The following OPRM1 variants were observed in gnomAD, a reference collection of about 807,000 sequenced individuals.
OPRM1 encodes mu-type opioid receptor.
OPRM1 carries 27 observed loss-of-function variants against 31.8 expected under a neutral mutation model. That is an observed-to-expected ratio of 0.85 (90% confidence interval 0.63 to 1.17). The LOEUF (loss-of-function observed/expected upper bound fraction) is 1.17, where lower values mean the gene tolerates loss of function less well. Among genes scored for constraint, OPRM1 ranks in the 50% most tolerant of loss-of-function variants. The pLI is 0.00. For synonymous variants in OPRM1, 196 were observed against 189.9 expected (o/e 1.03, Z -0.26); for missense variants, 536 against 511.1 (o/e 1.05, Z -0.47).
chr6:154,025,174 A>C (rs1206691302), intron 1 of OPRM1, among the ~76,000 whole-genome samples: 1 of 151,986 alleles, frequency 6.6e-6, no homozygotes, highest in African/African-American at 2.4e-5. Flanking sequence ...AGCTCTCATA[A>C]TACTTGCTTT....
intron 3 of OPRM1, among the ~76,000 whole-genome samples, chr6:154,151,241 G>A (rs1156983277): frequency 4.6e-5 from 7 of 152,212 alleles, no homozygotes; most frequent in Non-Finnish European, 1.0e-4. Context: ...TCTTGGGACC[G>A]TGATTTATTG....
chr6:154,207,948 C>A (rs1777635712), intron 3 of OPRM1, among the ~76,000 whole-genome samples: 1 of 152,158 alleles, frequency 6.6e-6, no homozygotes. Context: ...CTAACCATTC[C>A]ATTTCTCTGC....
intron 3 of OPRM1, chr6:154,246,541 C>T (rs776960012): frequency 2.2e-5 from 35 of 1,558,338 alleles, no homozygotes; most frequent in African/African-American, 2.7e-5. Flanking sequence ...ATGCCTTTAA[C>T]GTATCCCTCA....
At chr6:154,044,409 A>G (rs1271645771) in intron 1 of OPRM1, among the ~76,000 whole-genome samples, 2 of 152,202 alleles carry the variant, frequency 1.3e-5, no homozygotes, top group African/African-American at 4.8e-5. Flanking sequence ...AAGTTGTTAT[A>G]GTTCCAGTAG....
exon 1 of OPRM1, chr6:154,010,762 CAA>C (rs1562365714): frequency 9.2e-6 from 13 of 1,418,456 alleles, no homozygotes; most frequent in Middle Eastern, 3.7e-4. Flanking sequence ...CTCCTACAAA[CAA>C]GAGAATTCGG....
chr6:154,092,437 C>G (rs1195446609), intron 3 of OPRM1, among the ~76,000 whole-genome samples: 3 of 152,104 alleles, frequency 2.0e-5, no homozygotes, highest in Non-Finnish European at 4.4e-5. Flanking sequence ...ATTTTTTTAA[C>G]AGTGAATTCA....
At chr6:154,164,666 G>A (rs1799286834) in intron 3 of OPRM1, among the ~76,000 whole-genome samples, 1 of 152,168 alleles carries the variant, frequency 6.6e-6, no homozygotes, top group Non-Finnish European at 1.5e-5. Context: ...CTCGACTCAA[G>A]ACCTAAGCAT....
chr6:154,200,487 G>T (rs1216312400), intron 3 of OPRM1, among the ~76,000 whole-genome samples: 1 of 152,136 alleles, frequency 6.6e-6, no homozygotes, highest in African/African-American at 2.4e-5. Context: ...TTGGAAGACC[G>T]AGACAGGCAG....
At chr6:154,230,321 C>T (rs1199375109) in intron 3 of OPRM1, among the ~76,000 whole-genome samples, 4 of 152,008 alleles carry the variant, frequency 2.6e-5, no homozygotes, top group African/African-American at 4.8e-5. Context: ...TGAGTATGGG[C>T]GGGGATCATA....
intron 3 of OPRM1, among the ~76,000 whole-genome samples, chr6:154,193,887 C>CA (rs1776366688): frequency 6.6e-6 from 1 of 152,052 alleles, no homozygotes; most frequent in African/African-American, 2.4e-5. Flanking sequence ...AAAAAGTGCT[C>CA]AAAAAACTGT....
At position 154,107,486 on chromosome 6, in the gene OPRM1, C is replaced by A. The variant is rs1373802399; in HGVS notation, c.1165-11197C>A. 22 of 718,424 alleles carry A rather than the reference C, an allele frequency of 3.1e-5. No individual in the cohort carries two copies. The East Asian group carries it at 5.6e-4, about 18-fold the overall frequency. The allele number at this position is 718,424 out of a possible 1,614,324, so 44.5% of individuals were successfully genotyped here. ...CTAGGTGGAATTGAACCTGGACTGT[C>A]ACTGTGAAAATGCAAAGCCTTGGCC... On this transcript the variant is annotated intron_variant, in intron 3 of 3. Transcript: ENST00000330432.
At chr6:154,028,890 T>C (rs552992192) in intron 1 of OPRM1, among the ~76,000 whole-genome samples, 1 of 152,320 alleles carries the variant, frequency 6.6e-6, no homozygotes, top group African/African-American at 2.4e-5. Context: ...TCAGTGCCTC[T>C]TTCTCTTTCA....
intron 3 of OPRM1, among the ~76,000 whole-genome samples, chr6:154,102,676 T>G (rs377370018): frequency 1.3e-5 from 2 of 152,222 alleles, no homozygotes; most frequent in South Asian, 2.1e-4. Context: ...CCAAAATGCC[T>G]CCAGATATTG....
chr6:154,074,003 T>A (rs1014790509), intron 1 of OPRM1: 1 of 152,094 alleles, frequency 6.6e-6, no homozygotes, highest in Non-Finnish European at 1.5e-5. Flanking sequence ...GAAAAACGAA[T>A]GATAATAAGT....
chr6:154,139,486 C>T (rs1412499075), intron 3 of OPRM1, among the ~76,000 whole-genome samples: 3 of 152,224 alleles, frequency 2.0e-5, no homozygotes, highest in African/African-American at 4.8e-5. Flanking sequence ...AATAAGAAAA[C>T]CAGAATAAGC....
rs1267505743 is a variant in OPRM1 at position 154,157,216 on chromosome 6, C to G, written c.1164+65744C>G. 3 of 152,316 alleles carry G rather than the reference C, an allele frequency of 2.0e-5. No homozygotes were observed. The South Asian group carries it at 6.2e-4, about 31-fold the overall frequency. The allele number at this position is 152,316 out of a possible 1,614,324, so 9.4% of individuals were successfully genotyped here. A position where few individuals can be genotyped will look rare whatever the true frequency, so the allele number is the denominator to read the frequency against. On this transcript the variant is annotated intron_variant, in intron 3 of 3. Coordinates refer to the OPRM1 transcript ENST00000337049. ...TCACGGAAAGTGTCACCCACTCTCC[C>G]TCTCACTCCTGTCTATCCCCCCACC...
At chr6:154,051,822 A>G (rs1782250228) in intron 1 of OPRM1, among the ~76,000 whole-genome samples, 3 of 152,234 alleles carry the variant, frequency 2.0e-5, no homozygotes, top group African/African-American at 7.2e-5. Context: ...CAATTCCATT[A>G]CTGGGTATAT....
intron 1 of OPRM1, among the ~76,000 whole-genome samples, chr6:154,033,003 G>T (rs1779097541): frequency 6.6e-6 from 1 of 152,146 alleles, no homozygotes; most frequent in Non-Finnish European, 1.5e-5. Context: ...CAGTATATAG[G>T]TTAAAATCAA....
chr6:154,206,535 A>AT (rs1777509885), intron 3 of OPRM1, among the ~76,000 whole-genome samples: 1 of 152,230 alleles, frequency 6.6e-6, no homozygotes, highest in Admixed American at 6.5e-5. Flanking sequence ...TGACTTTAAG[A>AT]ATTTAATAAT....
Sources: gnomAD v4.1 joint callset for allele counts (sites outside exome capture counted in the v4.1 genomes callset) on GRCh38, gnomAD v4.1.1 for gene constraint, MANE v1.5 for transcripts, NCBI Gene and HGNC (gene_info 2026-07-23, HGNC 2026-07-21) for gene names.